The following HFM1 variants were observed in gnomAD, a reference collection of about 807,000 sequenced individuals.
HFM1 encodes the protein probable ATP-dependent DNA helicase HFM1.
In HFM1, 169 loss-of-function variants were observed where a neutral mutation model predicts 192.1. That is an observed-to-expected ratio of 0.88 (90% CI 0.78 to 1.00). The LOEUF is 1.00. Ranked by LOEUF, HFM1 falls within the 50% of genes least tolerant of loss-of-function variation. The probability of loss-of-function intolerance (pLI) is 0.00; values close to 1 mark genes in which losing one functional copy is unlikely to be tolerated. For missense variants in HFM1, 1,661 were observed against 1,668.0 expected (o/e 1.00, Z 0.07); for synonymous variants, 525 against 537.8 (o/e 0.98, Z 0.33).
Position 91,324,692 on chromosome 1 carries a change from C to A in HFM1, c.2410G>T (p.Glu804Ter), listed in dbSNP as rs763964671. The A allele has an allele frequency of 2.0e-6, 3 of 1,482,838 alleles. No individual in the cohort carries two copies. The highest frequency in any genetic ancestry group is 2.8e-6 in the Non-Finnish European group (3 of 1,061,332). 91.9% of individuals were successfully genotyped at this position (1,482,838 alleles called of 1,614,324 possible). A position where few individuals can be genotyped will look rare whatever the true frequency, so the allele number is the denominator to read the frequency against. Residue 804 changes from glutamate (E) to a stop codon, truncating the protein, a stop_gained, in exon 21 of 39, where the codon GAA (glutamate) becomes TAA (stop). Coordinates refer to ENST00000370425, the MANE Select transcript of HFM1 (RefSeq NM_001017975.6). LOFTEE classifies it high-confidence loss of function. ...VKKFYTISGK[E>*]TLSDLVTLIA... ...TAATTTACCAGATCTGATAAGGTTT[C>A]TTTTCCACTGATTGTATAAAATTTC... is the stretch of plus-strand genomic sequence containing the variant.
At chr1:91,400,763 C>T (rs539524957) in intron 2 of HFM1, among the ~76,000 whole-genome samples, 2 of 152,240 alleles carry the variant, frequency 1.3e-5, no homozygotes, top group South Asian at 4.2e-4. Flanking sequence ...GGATTACAGG[C>T]GTGAGCCACT....
chr1:91,382,123 C>G (rs368627477), intron 6 of HFM1, among the ~76,000 whole-genome samples: 20 of 152,204 alleles, frequency 1.3e-4, no homozygotes, highest in Admixed American at 8.5e-4. Context: ...TGCCATGAGG[C>G]CTTCCCTCTG....
At chr1:91,355,854 T>C (rs1157337864) in intron 13 of HFM1, among the ~76,000 whole-genome samples, 1 of 152,170 alleles carries the variant, frequency 6.6e-6, no homozygotes, top group African/African-American at 2.4e-5. Context: ...AATTGTACTT[T>C]GAGTCAAATG....
At chr1:91,323,314 G>T in intron 21 of HFM1, 115 bp from the exon 22 acceptor site, 1 of 645,580 alleles carries the variant, frequency 1.5e-6, no homozygotes, top group Non-Finnish European at 2.7e-6. Context: ...TTTTATCAAT[G>T]AACATAACAG....
chr1:91,291,272 T>C (rs1241077081), intron 30 of HFM1, among the ~76,000 whole-genome samples: 3 of 152,116 alleles, frequency 2.0e-5, no homozygotes. Context: ...AGCTGGTTTT[T>C]TGAAAGGATC....
rs758532813 is a variant in HFM1, at chr1:91,351,656, C to T, written c.1978-13G>A. ...CTGTAGTGTCAAACTGGGGAGAAAA[C>T]AAACAGAAATTTAGTGAAGAAGAGC... On this transcript the variant is annotated splice_polypyrimidine_tract_variant and intron_variant, in intron 16 of 38. Transcript: ENST00000370425. 2 of 1,478,342 alleles carry T rather than the reference C, an allele frequency of 1.4e-6. No individual in the cohort carries two copies. Among genetic ancestry groups the T allele is most frequent in the South Asian group, 2.4e-5 (2 of 82,632 alleles). The allele number at this position is 1,478,342 out of a possible 1,614,324, so 91.6% of individuals were successfully genotyped here.
Position 91,261,329 on chromosome 1 carries a change from T to G in HFM1, c.4269A>C (p.Glu1423Asp). ...CAAATATTCCCAATAAAGACTTCAT[T>G]TCATCAGCTTCATCATCAGGATGAT... is the stretch of plus-strand genomic sequence containing the variant. ...SMYHPDDEADEMKSLLGIFDG... is the reference protein window; with the variant it reads ...SMYHPDDEADDMKSLLGIFDG... Residue 1423 changes from glutamate to aspartate, a missense_variant, in exon 39 of 39, where the codon GAA (glutamate) becomes GAC (aspartate). By Grantham distance (45) the Glu-to-Asp change is conservative. Coordinates refer to ENST00000370425, the MANE Select transcript of HFM1 (RefSeq NM_001017975.6). 1 of 1,425,126 alleles carries G rather than the reference T, an allele frequency of 7.0e-7. No homozygotes were observed. Among genetic ancestry groups the G allele is most frequent in the East Asian group, 2.6e-5 (1 of 37,808 alleles). 88.3% of individuals were successfully genotyped at this position (1,425,126 alleles called of 1,614,324 possible). A position where few individuals can be genotyped will look rare whatever the true frequency, so the allele number is the denominator to read the frequency against.
chr1:91,344,781 C>A (rs1655908863), intron 19 of HFM1, among the ~76,000 whole-genome samples: 1 of 133,402 alleles, frequency 7.5e-6, no homozygotes, highest in African/African-American at 2.9e-5. Context: ...TGGTCTCACT[C>A]TGTTGCCCAG....
At chr1:91,354,101 T>C (rs1353121688) in intron 13 of HFM1, among the ~76,000 whole-genome samples, 1 of 151,594 alleles carries the variant, frequency 6.6e-6, no homozygotes, top group Non-Finnish European at 1.5e-5. Flanking sequence ...GACAGGTCAA[T>C]GAAATCAGGA....
At chr1:91,361,055 G>C (rs531408858) in intron 13 of HFM1, among the ~76,000 whole-genome samples, 1 of 152,248 alleles carries the variant, frequency 6.6e-6, no homozygotes, top group African/African-American at 2.4e-5. Flanking sequence ...AGTGTTAAGA[G>C]AGAAACATAT....
At chr1:91,342,151 A>AAAAC (rs58288889) in intron 20 of HFM1, among the ~76,000 whole-genome samples, 77,272 of 111,812 alleles carry the variant, frequency 0.69, 30,082 homozygotes, top group Admixed American at 0.73. Context: ...AAAAAAAAAA[A>AAAAC]TTCAGGCGAA....
intron 30 of HFM1, among the ~76,000 whole-genome samples, chr1:91,296,809 G>C (rs1647660275): frequency 6.6e-6 from 1 of 152,128 alleles, no homozygotes; most frequent in South Asian, 2.1e-4. Context: ...AATTTTGAGG[G>C]GAGGAGCCAA....
intron 25 of HFM1, among the ~76,000 whole-genome samples, chr1:91,318,259 G>C (rs1361162933): frequency 6.6e-6 from 1 of 151,952 alleles, no homozygotes; most frequent in Admixed American, 6.6e-5. Flanking sequence ...TCAGCCCTCT[G>C]CCACCCCACT....
intron 30 of HFM1, among the ~76,000 whole-genome samples, chr1:91,303,800 G>A (rs1649196941): frequency 6.6e-6 from 1 of 152,150 alleles, no homozygotes; most frequent in African/African-American, 2.4e-5. Flanking sequence ...TTGACCATTT[G>A]TATCACTTCT....
At chr1:91,364,279 T>C (rs1201619933) in intron 13 of HFM1, among the ~76,000 whole-genome samples, 1 of 151,812 alleles carries the variant, frequency 6.6e-6, no homozygotes, top group Non-Finnish European at 1.5e-5. Context: ...AAAACCACTA[T>C]ATTATAGACA....
intron 19 of HFM1, among the ~76,000 whole-genome samples, chr1:91,345,375 GAGAC>G (rs908388210): frequency 1.3e-5 from 2 of 152,146 alleles, no homozygotes; most frequent in Non-Finnish European, 2.9e-5. Flanking sequence ...TAGAATAAAA[GAGAC>G]AGAAAGTGAT....
In HFM1 at chr1:91,347,444, C is replaced by A; in HGVS notation, c.2239G>T (p.Glu747Ter). ...TGCATCTAACCTTGTAATTTTGCTT[C>A]AATTCCATCTTTGTTCAATCCAGAT... ...FASGLNKDGI[E>*]AKLQELCLKN... The change falls in exon 19 of 39, where the codon GAA becomes TAA. Residue 747 changes from glutamate (E) to a stop codon, truncating the protein, a stop_gained. Coordinates refer to ENST00000370425, the MANE Select transcript of HFM1 (RefSeq NM_001017975.6). LOFTEE classifies it high-confidence loss of function. 1 of 1,585,386 alleles carries A rather than the reference C, an allele frequency of 6.3e-7. No individual in the cohort carries two copies. Among genetic ancestry groups the A allele is most frequent in the South Asian group, 1.2e-5 (1 of 86,024 alleles).
rs865865649 is a variant in HFM1 at position 91,289,589 on chromosome 1, C to T, written c.3392-12527G>A. Among the ~76,000 whole-genome samples, 11 of 152,254 alleles carry T rather than the reference C, an allele frequency of 7.2e-5. 1 individual carries two copies. In the South Asian group the frequency reaches 1.2e-3, roughly 17 times the overall value. ...TGGGCAACATTGAGCACTGAGTGAG[C>T]GAGACTCCGTCTGCAATCCTGGCAC... On this transcript the variant is annotated intron_variant, in intron 30 of 38. Transcript: ENST00000370425.
intron 13 of HFM1, among the ~76,000 whole-genome samples, chr1:91,359,892 G>C (rs1414328640): frequency 6.6e-6 from 1 of 152,182 alleles, no homozygotes; most frequent in East Asian, 1.9e-4. Context: ...CACCTACAAA[G>C]GGAAACTCAT....
Sources: gnomAD v4.1 joint callset for allele counts (sites outside exome capture counted in the v4.1 genomes callset) on GRCh38, gnomAD v4.1.1 for gene constraint, MANE v1.5 for transcripts, NCBI Gene and HGNC (gene_info 2026-07-23, HGNC 2026-07-21) for gene names.